Variants in ANKFN1 observed in about 807,000 individuals in gnomAD.
ANKFN1 encodes ankyrin repeat and fibronectin type-III domain-containing protein 1.
A neutral mutation model predicts 108.7 loss-of-function variants in ANKFN1; 74 were observed. The ratio of observed to expected loss-of-function variants is 0.68; its 90% CI spans 0.56 to 0.83. ANKFN1 has a LOEUF of 0.83. Ranked by LOEUF, ANKFN1 falls within the 40% of genes least tolerant of loss-of-function variation. The pLI is 0.00. For missense variants in ANKFN1, 1,505 were observed against 1,382.3 expected (o/e 1.09, Z -1.41); for synonymous variants, 547 against 516.2 (o/e 1.06, Z -0.81).
chr17:56,326,564 A>G (rs185288901), intron 4 of ANKFN1, among the ~76,000 whole-genome samples: 3 of 152,316 alleles, frequency 2.0e-5, no homozygotes, highest in Admixed American at 1.3e-4. Context: ...CCCTGTGGAG[A>G]GAGAGGATGG....
At chr17:56,213,496 T>C (rs1243921997) in intron 2 of ANKFN1, among the ~76,000 whole-genome samples, 1 of 152,132 alleles carries the variant, frequency 6.6e-6, no homozygotes, top group Non-Finnish European at 1.5e-5. Context: ...CTCATTCATA[T>C]GTGGGAGTGT....
intron 3 of ANKFN1, among the ~76,000 whole-genome samples, chr17:56,281,992 T>C (rs1244583688): frequency 6.6e-6 from 1 of 152,198 alleles, no homozygotes; most frequent in Non-Finnish European, 1.5e-5. Flanking sequence ...GCTATTTACC[T>C]AAGATAAAGG....
At chr17:56,287,254 C>T (rs941709499) in intron 3 of ANKFN1, among the ~76,000 whole-genome samples, 7 of 152,186 alleles carry the variant, frequency 4.6e-5, no homozygotes, top group East Asian at 3.9e-4. Flanking sequence ...CCAACCTCTA[C>T]GAACGGAAAA....
intron 1 of ANKFN1, among the ~76,000 whole-genome samples, chr17:56,155,570 T>G (rs1046804619): frequency 6.6e-6 from 1 of 152,166 alleles, no homozygotes; most frequent in Non-Finnish European, 1.5e-5. Flanking sequence ...GAGGCACCAA[T>G]TAAGTGAAGG....
At chr17:56,074,952 C>T (rs9897286) in intron 4 of ANKFN1, among the ~76,000 whole-genome samples, 3,950 of 152,210 alleles carry the variant, frequency 0.026, 170 homozygotes, top group African/African-American at 0.09. Context: ...TTATCATGTG[C>T]AAATCAGGTT....
intron 4 of ANKFN1, among the ~76,000 whole-genome samples, chr17:56,110,098 G>A (rs1307011040): frequency 6.6e-6 from 1 of 152,188 alleles, no homozygotes; most frequent in African/African-American, 2.4e-5. Flanking sequence ...GAAGATTCCT[G>A]TTATTATTTA....
At chr17:56,415,217 C>T (rs1830320543) in intron 8 of ANKFN1, among the ~76,000 whole-genome samples, 1 of 152,064 alleles carries the variant, frequency 6.6e-6, no homozygotes, top group African/African-American at 2.4e-5. Flanking sequence ...TGCAATCAGA[C>T]AAGACAAAGA....
At chr17:56,250,604 C>A (rs2043211768) in intron 3 of ANKFN1, among the ~76,000 whole-genome samples, 1 of 152,220 alleles carries the variant, frequency 6.6e-6, no homozygotes, top group African/African-American at 2.4e-5. Flanking sequence ...ATCTATACAT[C>A]ATATCACAGC....
At chr17:56,257,598 A>G (rs1232859409) in intron 3 of ANKFN1, among the ~76,000 whole-genome samples, 2 of 152,134 alleles carry the variant, frequency 1.3e-5, no homozygotes, top group Non-Finnish European at 2.9e-5. Flanking sequence ...GTTTACTCAC[A>G]GTCACCGACC....
chr17:56,199,864 T>C (rs1913888162), intron 1 of ANKFN1, among the ~76,000 whole-genome samples: 1 of 152,214 alleles, frequency 6.6e-6, no homozygotes, highest in African/African-American at 2.4e-5. Flanking sequence ...TCCTGTGTTT[T>C]TCTTTGGTAA....
intron 4 of ANKFN1, among the ~76,000 whole-genome samples, chr17:56,329,944 A>T (rs1375678057): frequency 6.6e-6 from 1 of 152,216 alleles, no homozygotes; most frequent in Non-Finnish European, 1.5e-5. Context: ...AGCCCTCACC[A>T]GGCACCAAAT....
intron 8 of ANKFN1, among the ~76,000 whole-genome samples, chr17:56,378,181 G>T (rs927104004): frequency 6.6e-6 from 1 of 152,138 alleles, no homozygotes; most frequent in African/African-American, 2.4e-5. Context: ...TATCTCTGCC[G>T]ACCATCACCT....
chr17:56,250,429 A>G (rs1027857524), intron 3 of ANKFN1, among the ~76,000 whole-genome samples: 4 of 152,242 alleles, frequency 2.6e-5, no homozygotes, highest in African/African-American at 7.2e-5. Flanking sequence ...CATACTTGCC[A>G]AGAATTTATC....
chr17:56,446,493 T>C (rs114206372), intron 10 of ANKFN1, among the ~76,000 whole-genome samples: 3,549 of 152,302 alleles, frequency 0.023, 132 homozygotes, highest in African/African-American at 0.081. Context: ...TTTTGAACTT[T>C]CCAGTAAAAA....
At position 56,457,862 on chromosome 17, in the gene ANKFN1, G is replaced by A; in HGVS notation, c.1441-1G>A. 1.2e-6 allele frequency: 2 copies of A among 1,610,112 alleles called. No individual in the cohort carries two copies. The highest frequency in any genetic ancestry group is 8.5e-7 in the Non-Finnish European group (1 of 1,176,976). On this transcript the variant is annotated splice_acceptor_variant, in intron 13 of 20. Transcript: ENST00000682825. LOFTEE classifies it high-confidence loss of function. ...ACATGATTGCATGCCTTCTTTTGCA[G>A]CTGTCTTGTATGTGGGAAGATATAA... is the stretch of plus-strand genomic sequence containing the variant.
At chr17:56,116,423 T>C (rs978319395) in intron 4 of ANKFN1, among the ~76,000 whole-genome samples, 2 of 152,152 alleles carry the variant, frequency 1.3e-5, no homozygotes, top group African/African-American at 4.8e-5. Flanking sequence ...CATGTTGAAA[T>C]TTGATCCCCA....
intron 8 of ANKFN1, among the ~76,000 whole-genome samples, chr17:56,438,055 A>G (rs1340840080): frequency 6.6e-6 from 1 of 151,390 alleles, no homozygotes; most frequent in Non-Finnish European, 1.5e-5. Flanking sequence ...AGCACCTTCA[A>G]TGCACCAAGC....
At chr17:56,132,812 C>T (rs923511857) in intron 4 of ANKFN1, among the ~76,000 whole-genome samples, 4 of 152,072 alleles carry the variant, frequency 2.6e-5, no homozygotes, top group African/African-American at 9.7e-5. Flanking sequence ...GGGTCTTTTT[C>T]ATAAGGGCAC....
chr17:56,068,462 C>A (rs1242668819), intron 4 of ANKFN1, among the ~76,000 whole-genome samples: 1 of 152,158 alleles, frequency 6.6e-6, no homozygotes, highest in East Asian at 1.9e-4. Context: ...AAAGAGATGT[C>A]CCTCTTACAT....
Sources: allele counts gnomAD v4.1 joint callset (sites outside exome capture counted in the v4.1 genomes callset), GRCh38; gene constraint gnomAD v4.1.1; transcripts MANE v1.5; gene names NCBI Gene and HGNC (gene_info 2026-07-23, HGNC 2026-07-21).